CPEB1: variants seen among roughly 807,000 people sequenced by gnomAD.
CPEB1 encodes the protein cytoplasmic polyadenylation element-binding protein 1.
In CPEB1, 7 loss-of-function variants were observed where a neutral mutation model predicts 65.8. The ratio of observed to expected loss-of-function variants is 0.11; its 90% CI spans 0.06 to 0.20. CPEB1 has a LOEUF of 0.20. Ranked by LOEUF, CPEB1 falls within the 10% of genes least tolerant of loss-of-function variation. CPEB1 has a pLI of 1.00. For synonymous variants in CPEB1, 262 were observed against 260.0 expected (o/e 1.01, Z -0.08); for missense variants, 551 against 712.2 (o/e 0.77, Z 2.58).
intron 5 of CPEB1, among the ~76,000 whole-genome samples, chr15:82,556,933 G>A (rs2037310481): frequency 6.6e-6 from 1 of 152,210 alleles, no homozygotes; most frequent in African/African-American, 2.4e-5. Context: ...TGGGTATGGG[G>A]AAGAGAAGAA....
At chr15:82,616,755 C>A (rs531349475) in intron 3 of CPEB1, among the ~76,000 whole-genome samples, 18 of 151,972 alleles carry the variant, frequency 1.2e-4, no homozygotes, top group Non-Finnish European at 2.4e-4. Context: ...GTTGGCCAGG[C>A]TGGTTAAAAT....
At chr15:82,578,235 C>A (rs931641377) in intron 3 of CPEB1, among the ~76,000 whole-genome samples, 1 of 152,182 alleles carries the variant, frequency 6.6e-6, no homozygotes, top group Non-Finnish European at 1.5e-5. Flanking sequence ...CTAGGTAAAA[C>A]GTCTTTTCAC....
intron 3 of CPEB1, among the ~76,000 whole-genome samples, chr15:82,590,333 C>G (rs1295858475): frequency 6.6e-6 from 1 of 150,978 alleles, no homozygotes; most frequent in Non-Finnish European, 1.5e-5. Context: ...CCTCCTTGGT[C>G]ACATATTTAA....
At chr15:82,614,873 GT>G (rs910448693) in intron 3 of CPEB1, among the ~76,000 whole-genome samples, 32 of 120,288 alleles carry the variant, frequency 2.7e-4, no homozygotes, top group Non-Finnish European at 4.8e-4. Flanking sequence ...GTGTGTGTGT[GT>G]GTGTGTATAT....
intron 4 of CPEB1, among the ~76,000 whole-genome samples, chr15:82,569,193 C>T (rs556283530): frequency 6.6e-6 from 1 of 152,188 alleles, no homozygotes; most frequent in Non-Finnish European, 1.5e-5. Context: ...GGCACTGCAG[C>T]TGGCTGGTGG....
At chr15:82,611,554 C>T (rs564746970) in intron 3 of CPEB1, among the ~76,000 whole-genome samples, 5 of 151,638 alleles carry the variant, frequency 3.3e-5, no homozygotes, top group Non-Finnish European at 7.4e-5. Flanking sequence ...ACCAGGAGTT[C>T]AAGACCAGCC....
At chr15:82,577,967 C>T (rs1471661011) in intron 3 of CPEB1, among the ~76,000 whole-genome samples, 2 of 151,870 alleles carry the variant, frequency 1.3e-5, no homozygotes, top group Admixed American at 6.6e-5. Context: ...GGTGAAACCC[C>T]GTCTCTAATA....
chr15:82,605,766 C>T (rs7179744), intron 3 of CPEB1, among the ~76,000 whole-genome samples: 28 of 152,136 alleles, frequency 1.8e-4, no homozygotes, highest in Admixed American at 5.9e-4. Context: ...TGGCCGGGCA[C>T]AGTGGCTCAT....
intron 4 of CPEB1, among the ~76,000 whole-genome samples, chr15:82,571,000 CAT>C (rs1452598111): frequency 6.6e-6 from 1 of 152,154 alleles, no homozygotes; most frequent in Non-Finnish European, 1.5e-5. Context: ...TGTTTTGCTT[CAT>C]CATCTCCAAG....
Position 82,544,706 on chromosome 15 carries a change from G to A in CPEB1, c.1657-4C>T. 1 of 1,610,666 alleles carries A rather than the reference G, an allele frequency of 6.2e-7. No individual in the cohort carries two copies. Among genetic ancestry groups the A allele is most frequent in the Non-Finnish European group, 8.5e-7 (1 of 1,177,810 alleles). On this transcript the variant is annotated splice_region_variant and splice_polypyrimidine_tract_variant and intron_variant, in intron 12 of 12. Transcript: ENST00000684509. ...GGCAGAAGTATTTGAAGCAGACCTGGGTTGGGGGAACAAAAAGGAGGATGC... is the reference window on the plus strand; with the variant it reads ...GGCAGAAGTATTTGAAGCAGACCTGAGTTGGGGGAACAAAAAGGAGGATGC...
upstream of CPEB1, chr15:82,647,925 G>A: frequency 2.5e-6 from 3 of 1,222,356 alleles, no homozygotes; most frequent in Non-Finnish European, 3.1e-6. Flanking sequence ...CGGCGGGCGA[G>A]AGACGCGCAC....
Position 82,564,309 on chromosome 15 carries a change from G to A in CPEB1, c.461-6323C>T, listed in dbSNP as rs183365126. Among the ~76,000 whole-genome samples, 336 of 151,896 alleles carry A rather than the reference G, an allele frequency of 2.2e-3. 1 individual carries two copies. Among genetic ancestry groups the A allele is most frequent in the African/African-American group, 7.6e-3 (315 of 41,428 alleles). ...TTTTTGTTTTGTTTTTTTTTGAGAC[G>A]GAGTCTCGCTCTGTTGCCCAGGCTG... On this transcript the variant is annotated intron_variant, in intron 4 of 12. Transcript: ENST00000684509.
chr15:82,557,926 A>G lies in CPEB1; in HGVS notation c.521T>C (p.Leu174Pro), dbSNP rs780099982. Reference sequence around the variant, plus strand: ...GTCAGACCCAAGGGGATCCAGAGGCAGGAAGCTCAAGGGGGGTTTTCCTAG... The same window carrying G: ...GTCAGACCCAAGGGGATCCAGAGGCGGGAAGCTCAAGGGGGGTTTTCCTAG... ...NVLGKPPLSF[L>P]PLDPLGSDLV... The change falls in exon 5 of 13, where the codon CTG becomes CCG. Residue 174 changes from leucine (L) to proline (P), a missense_variant. Leu to Pro is a moderately conservative substitution (Grantham distance 98). Around this residue, in one of 6 missense-constraint regions of CPEB1, gnomAD observed 223 missense variants for 228.6 expected, o/e 0.98. Coordinates refer to ENST00000684509, the MANE Select transcript of CPEB1 (RefSeq NM_001365242.1). 1 of 1,614,094 alleles carries G rather than the reference A, an allele frequency of 6.2e-7. No homozygotes were observed. The highest frequency in any genetic ancestry group is 8.5e-7 in the Non-Finnish European group (1 of 1,179,980).
At chr15:82,558,630 G>A (rs535588371) in intron 4 of CPEB1, among the ~76,000 whole-genome samples, 5 of 152,270 alleles carry the variant, frequency 3.3e-5, no homozygotes, top group African/African-American at 1.2e-4. Flanking sequence ...GACACCTCTT[G>A]TATATGTCTG....
At chr15:82,617,638 A>C (rs2044848139) in intron 3 of CPEB1, among the ~76,000 whole-genome samples, 1 of 152,086 alleles carries the variant, frequency 6.6e-6, no homozygotes, top group Non-Finnish European at 1.5e-5. Context: ...TTGTTAGCAA[A>C]ATAGGGGAAA....
chr15:82,569,948 T>A (rs2039759354), intron 4 of CPEB1, among the ~76,000 whole-genome samples: 1 of 152,162 alleles, frequency 6.6e-6, no homozygotes, highest in Non-Finnish European at 1.5e-5. Flanking sequence ...TACCGTGGTC[T>A]CCAGGCATAG....
chr15:82,583,047 C>G (rs2041447407), intron 3 of CPEB1, among the ~76,000 whole-genome samples: 1 of 152,092 alleles, frequency 6.6e-6, no homozygotes, highest in Admixed American at 6.6e-5. Flanking sequence ...CCTCACCCTC[C>G]CCACTACTCT....
At chr15:82,627,102 C>A in intron 3 of CPEB1, 91 bp downstream of exon 3, 1 of 1,052,460 alleles carries the variant, frequency 9.5e-7, no homozygotes, top group South Asian at 2.5e-5. Flanking sequence ...TTGTTCTTCA[C>A]AAGCTTTCCA....
chr15:82,636,431 C>T (rs985187907), intron 1 of CPEB1, among the ~76,000 whole-genome samples: 1 of 152,186 alleles, frequency 6.6e-6, no homozygotes, highest in Non-Finnish European at 1.5e-5. Context: ...CCTGGCTCTC[C>T]CTTTCCATCT....
Sources: allele counts gnomAD v4.1 joint callset (sites outside exome capture counted in the v4.1 genomes callset), GRCh38; gene constraint gnomAD v4.1.1; regional missense constraint gnomAD v4.1.1; transcripts MANE v1.5; gene names NCBI Gene and HGNC (gene_info 2026-07-23, HGNC 2026-07-21).